Variants in AHNAK2 observed in about 807,000 individuals in gnomAD.
AHNAK2 encodes protein AHNAK2.
In AHNAK2, 18 loss-of-function variants were observed where a neutral mutation model predicts 30.7. The observed-to-expected ratio is 0.59, with a 90% CI of 0.41 to 0.87. The LOEUF is 0.87. AHNAK2 is among the 40% of genes least tolerant of loss of function. The pLI is 0.00. For missense variants in AHNAK2, 8,604 were observed against 7,373.0 expected (o/e 1.17, Z -6.11); for synonymous variants, 3,590 against 3,073.8 (o/e 1.17, Z -5.56).
chr14:104,950,767 G>A lies in AHNAK2; in HGVS notation c.4684C>T (p.Pro1562Ser), dbSNP rs1898647703. 2 of 1,587,106 alleles carry A rather than the reference G, an allele frequency of 1.3e-6. No homozygotes were observed. The highest frequency in any genetic ancestry group is 2.7e-5 in the African/African-American group (2 of 73,742). The change falls in exon 7 of 7, where the codon CCA (proline) becomes TCA (serine). Residue 1562 changes from proline to serine, a missense_variant. Pro to Ser is a moderately conservative substitution (Grantham distance 74). Coordinates refer to ENST00000333244, the MANE Select transcript of AHNAK2 (RefSeq NM_138420.4). Reference sequence around the variant, plus strand: ...GCTCCCTCGGACACAGGGCCCTCTGGGAGTTTCACGTCCACTTGGCCAGCC... The same window carrying A: ...GCTCCCTCGGACACAGGGCCCTCTGAGAGTTTCACGTCCACTTGGCCAGCC... ...VQAGQVDVKL[P>S]EGPVSEGAGL...
rs200125045 is a variant in AHNAK2, at chr14:104,949,429, C to G, written c.6022G>C (p.Glu2008Gln). The G allele has an allele frequency of 1.3e-5, 20 of 1,587,176 alleles. 3 individuals carry two copies. Among genetic ancestry groups the G allele is most frequent in the African/African-American group, 5.4e-5 (4 of 73,430 alleles). ...FGVSAPGRSI[E>Q]ASVDVPAPKV... ...GGTGCAGGCACATCCACCGAGGCCT[C>G]GATGGACCTCCCTGGGGCCGATACC... The change falls in exon 7 of 7, where the codon GAG (glutamate) becomes CAG (glutamine). Residue 2008 changes from glutamate to glutamine, a missense_variant. Glu to Gln is a conservative substitution (Grantham distance 29, BLOSUM62 2). Coordinates refer to ENST00000333244, the MANE Select transcript of AHNAK2 (RefSeq NM_138420.4).
At position 104,946,116 on chromosome 14, in the gene AHNAK2, T is replaced by G; in HGVS notation, c.9335A>C (p.Asp3112Ala). The change falls in exon 7 of 7, where the codon GAT (aspartate) becomes GCT (alanine). Residue 3112 changes from aspartate (D) to alanine (A), a missense_variant. Physicochemically the swap from Asp to Ala is moderately radical, Grantham distance 126. Coordinates refer to ENST00000333244, the MANE Select transcript of AHNAK2 (RefSeq NM_138420.4). ...VEVSQPGMEVDVEAPGAKLDG... is the reference protein window; with the variant it reads ...VEVSQPGMEVAVEAPGAKLDG... ...CAACTTGGCTCCTGGGGCCTCGACA[T>G]CCACCTCCATGCCGGGCTGAGACAC... 1 of 1,611,672 alleles carries G rather than the reference T, an allele frequency of 6.2e-7. No individual in the cohort carries two copies. Among genetic ancestry groups the G allele is most frequent in the Non-Finnish European group, 8.5e-7 (1 of 1,179,262 alleles).
chr14:104,972,104 C>A (rs1226728954), intron 1 of AHNAK2, among the ~76,000 whole-genome samples: 1 of 152,224 alleles, frequency 6.6e-6, no homozygotes, highest in African/African-American at 2.4e-5. Context: ...TCTGTCCCAG[C>A]CCCAGGGCAG....
In AHNAK2 at chr14:104,957,692, CAG is replaced by C. The variant is rs1284262814; in HGVS notation, c.56-22_56-21del. The C allele has an allele frequency of 6.2e-6, 10 of 1,604,580 alleles. No individual in the cohort carries two copies. Among genetic ancestry groups the C allele is most frequent in the African/African-American group, 1.3e-5 (1 of 74,766 alleles). ...CGGACACTGCAGAGAGAGTGGCTGT[CAG>C]TGGAGACAAGCAGGCTGGGGGAGCA... On this transcript the variant is annotated intron_variant, in intron 1 of 6. Coordinates refer to ENST00000333244, the MANE Select transcript of AHNAK2 (RefSeq NM_138420.4).
At chr14:104,967,848 C>T (rs959824762) in intron 1 of AHNAK2, among the ~76,000 whole-genome samples, 10 of 152,194 alleles carry the variant, frequency 6.6e-5, no homozygotes, top group African/African-American at 2.2e-4. Flanking sequence ...GAGAGGAAGG[C>T]CCCCAGTATC....
Position 104,943,857 on chromosome 14 carries a change from C to G in AHNAK2, c.11594G>C (p.Arg3865Pro), listed in dbSNP as rs377500233. The stretch of plus-strand genomic sequence containing the variant: ...CTCCAGGAGTTTCATGTCCACCTGG[C>G]GAGCTTGGACCGTCAGGTCGGCAGA... Reference protein sequence around the residue: ...PHSADLTVQARQVDMKLLEGH... With the variant: ...PHSADLTVQAPQVDMKLLEGH... Residue 3865 changes from arginine (R) to proline (P), a missense_variant, in exon 7 of 7, where the codon CGC becomes CCC. By Grantham distance (103) the Arg-to-Pro change is moderately radical. Coordinates refer to ENST00000333244, the MANE Select transcript of AHNAK2 (RefSeq NM_138420.4). The G allele has an allele frequency of 6.2e-7, 1 of 1,612,762 alleles. No homozygotes were observed. The highest frequency in any genetic ancestry group is 8.5e-7 in the Non-Finnish European group (1 of 1,179,500).
intron 1 of AHNAK2, among the ~76,000 whole-genome samples, chr14:104,962,591 A>G (rs1219821912): frequency 6.6e-6 from 1 of 150,756 alleles, no homozygotes; most frequent in Non-Finnish European, 1.5e-5. Flanking sequence ...ATGCCTCACT[A>G]ATTTTTTTTT....
In AHNAK2 at chr14:104,953,387, T is replaced by A. The variant is rs79665965; in HGVS notation, c.2064A>T (p.Ser688=). ...AGGCCTCCATGGACTTGCCTGGGGCTGACGCCCCGAACAATGGCATCTTGA... is the reference window on the plus strand; with the variant it reads ...AGGCCTCCATGGACTTGCCTGGGGCAGACGCCCCGAACAATGGCATCTTGA... The part of the protein sequence containing the change: ...PKFKMPLFGA[S]APGKSMEASV... Residue 688 remains serine (S), a synonymous_variant, in exon 7 of 7, where the codon TCA becomes TCT. Coordinates refer to ENST00000333244, the MANE Select transcript of AHNAK2 (RefSeq NM_138420.4). The A allele has an allele frequency of 1.6e-3, 2,563 of 1,612,528 alleles. 42 individuals carry two copies. The African/African-American group carries it at 0.021, about 13-fold the overall frequency.
rs376450360 is a variant in AHNAK2 at position 104,942,261 on chromosome 14, T to C, written c.13190A>G (p.Lys4397Arg). Residue 4397 changes from lysine (K) to arginine (R), a missense_variant, in exon 7 of 7, where the codon AAG (lysine) becomes AGG (arginine). Transcript: ENST00000333244. ...GACATTAACGTCTATCTGGGGACCC[T>C]TGAGGTCCACTTTGGGTACCTTGAA... is the stretch of plus-strand genomic sequence containing the variant. ...PSFKVPKVDL[K>R]GPQIDVNVPK... The C allele has an allele frequency of 9.9e-6, 16 of 1,613,030 alleles. No homozygotes were observed. Among genetic ancestry groups the C allele is most frequent in the Non-Finnish European group, 1.4e-5 (16 of 1,179,758 alleles).
Position 104,938,985 on chromosome 14 carries a change from T to C in AHNAK2, c.16466A>G (p.Asp5489Gly), listed in dbSNP as rs764070003. ...IHSIVTPEFVDLSVPRTFSTQ... is the reference protein window; with the variant it reads ...IHSIVTPEFVGLSVPRTFSTQ... ...GGAAAAAGTCCTGGGTACTGAGAGA[T>C]CTACAAACTCTGGTGTCACTATGCT... is the stretch of plus-strand genomic sequence containing the variant. The change falls in exon 7 of 7, where the codon GAT becomes GGT. Residue 5489 changes from aspartate (D) to glycine (G), a missense_variant. Asp to Gly is a moderately conservative substitution (Grantham distance 94, BLOSUM62 -1). Transcript: ENST00000333244. 1.2e-6 allele frequency: 2 copies of C among 1,612,488 alleles called. No homozygotes were observed. The highest frequency in any genetic ancestry group is 1.7e-6 in the Non-Finnish European group (2 of 1,179,482).
chr14:104,945,133 C>A lies in AHNAK2; in HGVS notation c.10318G>T (p.Glu3440Ter), dbSNP rs772964648. 1 of 1,613,360 alleles carries A rather than the reference C, an allele frequency of 6.2e-7. No homozygotes were observed. The highest frequency in any genetic ancestry group is 8.5e-7 in the Non-Finnish European group (1 of 1,179,782). ...PDVEVSLPSV[E>*]VDVQAPRAKL... Reference sequence around the variant, plus strand: ...GCTCTCGGGGCCTGGACGTCCACCTCCACGCTGGGCAGAGACACCTCCACA... The same window carrying A: ...GCTCTCGGGGCCTGGACGTCCACCTACACGCTGGGCAGAGACACCTCCACA... The change falls in exon 7 of 7, where the codon GAG becomes TAG. Residue 3440 changes from glutamate to a stop codon, truncating the protein, a stop_gained. Coordinates refer to ENST00000333244, the MANE Select transcript of AHNAK2 (RefSeq NM_138420.4). LOFTEE classifies it low-confidence loss of function (END_TRUNC).
intron 1 of AHNAK2, among the ~76,000 whole-genome samples, chr14:104,968,397 C>T (rs916885411): frequency 3.9e-5 from 6 of 151,980 alleles, no homozygotes; most frequent in Non-Finnish European, 7.4e-5. Context: ...AGATCCTGGC[C>T]GGGAGGCGGG....
At position 104,940,735 on chromosome 14, in the gene AHNAK2, A is replaced by C. The variant is rs1355694357; in HGVS notation, c.14716T>G (p.Leu4906Val). The C allele has an allele frequency of 6.2e-7, 1 of 1,612,736 alleles. No individual in the cohort carries two copies. The highest frequency in any genetic ancestry group is 8.5e-7 in the Non-Finnish European group (1 of 1,179,748). ...LSPGERVQCPLPSTQLPSPGT... is the reference protein window; with the variant it reads ...LSPGERVQCPVPSTQLPSPGT... Reference sequence around the variant, plus strand: ...GGGGATGGCAGCTGGGTGCTTGGCAAGGGGCACTGCACTCTTTCTCCAGGG... The same window carrying C: ...GGGGATGGCAGCTGGGTGCTTGGCACGGGGCACTGCACTCTTTCTCCAGGG... The change falls in exon 7 of 7, where the codon TTG (leucine) becomes GTG (valine). Residue 4906 changes from leucine (L) to valine (V), a missense_variant. Physicochemically the swap from Leu to Val is conservative, Grantham distance 32. Coordinates refer to ENST00000333244, the MANE Select transcript of AHNAK2 (RefSeq NM_138420.4). This position sits in a 1 kb window ranked among gnomAD's most constrained non-coding sequence, Gnocchi z 4.4.
rs189083661 is a variant in AHNAK2 at position 104,949,609 on chromosome 14, C to T, written c.5842G>A (p.Glu1948Lys). 173 of 1,589,270 alleles carry T rather than the reference C, an allele frequency of 1.1e-4. 17 individuals are homozygous for T. The East Asian group carries it at 1.2e-3, about 11-fold the overall frequency. The change falls in exon 7 of 7, where the codon GAG becomes AAG. Residue 1948 changes from glutamate to lysine, a missense_variant. By Grantham distance (56) the Glu-to-Lys change is moderately conservative (BLOSUM62 1). Coordinates refer to ENST00000333244, the MANE Select transcript of AHNAK2 (RefSeq NM_138420.4). Reference protein sequence around the residue: ...PKAEVTAPDVEVSLPSMEVDV... With the variant: ...PKAEVTAPDVKVSLPSMEVDV... ...ACCTCCATGCTGGGCAGAGACACCT[C>T]GACATCGGGGGCTGTCACTTCCGCC... is the stretch of plus-strand genomic sequence containing the variant.
intron 1 of AHNAK2, among the ~76,000 whole-genome samples, chr14:104,962,269 C>G (rs1006856635): frequency 1.3e-5 from 2 of 152,172 alleles, no homozygotes; most frequent in Non-Finnish European, 2.9e-5. Context: ...GGCTCAGAAA[C>G]CTGTCTTGAC....
rs186491000 is a variant in AHNAK2 at position 104,950,981 on chromosome 14, G to T, written c.4470C>A (p.Asp1490Glu). Residue 1490 changes from aspartate to glutamate, a missense_variant, in exon 7 of 7, where the codon GAC becomes GAA. Coordinates refer to ENST00000333244, the MANE Select transcript of AHNAK2 (RefSeq NM_138420.4). The part of the protein sequence containing the change: ...SLADKDLTTK[D>E]SKFKMPKFKM... ...TGAACTTGGGCATTTTGAACTTGCT[G>T]TCTTTGGTAGTCAAGTCCTTGTCGG... 8 of 1,074,664 alleles carry T rather than the reference G, an allele frequency of 7.4e-6. 1 individual carries two copies. The East Asian group carries it at 1.4e-4, about 18-fold the overall frequency. 66.6% of individuals were successfully genotyped at this position (1,074,664 alleles called of 1,614,324 possible). A position where few individuals can be genotyped will look rare whatever the true frequency, so the allele number is the denominator to read the frequency against.
Position 104,953,287 on chromosome 14 carries a change from C to T in AHNAK2, c.2164G>A (p.Asp722Asn), listed in dbSNP as rs1407598783. The change falls in exon 7 of 7, where the codon GAC becomes AAC. Residue 722 changes from aspartate to asparagine, a missense_variant. Asp to Asn is a conservative substitution (Grantham distance 23). Transcript: ENST00000333244. ...LSMQGDLKTTDLSVQTPSADL... is the reference protein window; with the variant it reads ...LSMQGDLKTTNLSVQTPSADL... ...GCGGAAGGGGTCTGGACGCTGAGGT[C>T]AGTGGTCTTGAGGTCCCCCTGCATG... is the stretch of plus-strand genomic sequence containing the variant. 3 of 1,612,996 alleles carry T rather than the reference C, an allele frequency of 1.9e-6. No individual in the cohort carries two copies. Among genetic ancestry groups the T allele is most frequent in the Non-Finnish European group, 2.5e-6 (3 of 1,179,690 alleles).
chr14:104,950,309 G>T lies in AHNAK2; in HGVS notation c.5142C>A (p.Asp1714Glu), dbSNP rs533558763. The change falls in exon 7 of 7, where the codon GAC (aspartate) becomes GAA (glutamate). Residue 1714 changes from aspartate (D) to glutamate (E), a missense_variant. Transcript: ENST00000333244. The stretch of plus-strand genomic sequence containing the variant: ...TCACTTGGCCAGCCTGGACCTCCAG[G>T]TCGGCGGAAGGGGACTGAATGCTGA... ...TDLSIQSPSADLEVQAGQVNV... is the reference protein window; with the variant it reads ...TDLSIQSPSAELEVQAGQVNV... 2.2e-5 allele frequency: 35 copies of T among 1,585,362 alleles called. 2 individuals carry two copies. The Middle Eastern group carries it at 5.0e-4, about 23-fold the overall frequency.
In AHNAK2 at chr14:104,948,142, C is replaced by T. The variant is rs185901406; in HGVS notation, c.7309G>A (p.Val2437Met). The T allele has an allele frequency of 3.2e-5, 51 of 1,612,634 alleles. 1 individual carries two copies. The highest frequency in any genetic ancestry group is 2.3e-4 in the African/African-American group (17 of 74,480). Residue 2437 changes from valine (V) to methionine (M), a missense_variant, in exon 7 of 7, where the codon GTG (valine) becomes ATG (methionine). Physicochemically the swap from Val to Met is conservative, Grantham distance 21 (BLOSUM62 1). Coordinates refer to ENST00000333244, the MANE Select transcript of AHNAK2 (RefSeq NM_138420.4). ...KLDLKGPKTD[V>M]MAPDVEVSQP... ...GACACCTCCACGTCGGGGGCCATCA[C>T]GTCCGTCTTGGGGCCTTTCAGGTCC...
Sources: gnomAD v4.1 joint callset for allele counts (sites outside exome capture counted in the v4.1 genomes callset) on GRCh38, gnomAD v4.1.1 for gene constraint, Gnocchi (gnomAD v3.1) non-coding constraint, MANE v1.5 for transcripts, NCBI Gene and HGNC (gene_info 2026-07-23, HGNC 2026-07-21) for gene names.